NFIB: variants seen among roughly 807,000 people sequenced by gnomAD.
NFIB encodes nuclear factor I B.
A neutral mutation model predicts 61.5 loss-of-function variants in NFIB; 11 were observed. The observed-to-expected ratio is 0.18, with a 90% CI of 0.11 to 0.30. NFIB has a LOEUF of 0.30. NFIB is among the 10% of genes least tolerant of loss of function. The pLI, the probability that NFIB is intolerant of heterozygous loss-of-function variation, is 1.00. For missense variants in NFIB, 471 were observed against 608.9 expected (o/e 0.77, Z 2.38); for synonymous variants, 260 against 216.5 (o/e 1.20, Z -1.76).
At chr9:14,449,207 C>T in the NFIB span, among the ~76,000 whole-genome samples, 1 of 152,190 alleles carries the variant, frequency 6.6e-6, no homozygotes, top group East Asian at 1.9e-4. Flanking sequence ...AGAAGTCAGT[C>T]GTTAGTGTCA....
At chr9:14,512,064 G>A in the NFIB span, among the ~76,000 whole-genome samples, 144 of 152,224 alleles carry the variant, frequency 9.5e-4, no homozygotes, top group Non-Finnish European at 1.5e-3. Context: ...TTACTTGTCT[G>A]GTTTATTACT....
intron 2 of NFIB, among the ~76,000 whole-genome samples, chr9:14,211,184 C>A (rs944512694): frequency 6.6e-6 from 1 of 152,280 alleles, no homozygotes; most frequent in Non-Finnish European, 1.5e-5. Context: ...TAATCCTCTA[C>A]AATATTGTAT....
intron 2 of NFIB, among the ~76,000 whole-genome samples, chr9:14,223,753 C>T (rs62532554): frequency 0.087 from 13,224 of 152,210 alleles, 617 homozygotes; most frequent in Middle Eastern, 0.12. Flanking sequence ...TCAGCTCTAG[C>T]TCAATTCCTC....
chr9:14,441,243 C>T, the NFIB span, among the ~76,000 whole-genome samples: 1 of 150,892 alleles, frequency 6.6e-6, no homozygotes, highest in Admixed American at 6.6e-5. Context: ...ATAGCTACGA[C>T]ATTTAATAAC....
At chr9:14,198,226 C>T (rs1013533045) in intron 2 of NFIB, among the ~76,000 whole-genome samples, 1 of 152,130 alleles carries the variant, frequency 6.6e-6, no homozygotes, top group African/African-American at 2.4e-5. Context: ...TCACACTGCA[C>T]GTCTCCAAGG....
intron 10 of NFIB, among the ~76,000 whole-genome samples, chr9:14,108,072 G>C (rs2036824405): frequency 6.6e-6 from 1 of 152,058 alleles, no homozygotes; most frequent in South Asian, 2.1e-4. Context: ...CATTTGCATA[G>C]CCATTATTTC....
chr9:14,199,670 T>C (rs1458985243), intron 2 of NFIB, among the ~76,000 whole-genome samples: 5 of 152,242 alleles, frequency 3.3e-5, no homozygotes, highest in South Asian at 4.1e-4. Flanking sequence ...CTTTTGGTTT[T>C]AGCTAATAAG....
chr9:14,291,293 T>C (rs2059080046), intron 2 of NFIB, among the ~76,000 whole-genome samples: 1 of 152,064 alleles, frequency 6.6e-6, no homozygotes, highest in South Asian at 2.1e-4. Context: ...ACAACCAGCC[T>C]GGCCAACACG....
At chr9:14,111,564 T>C (rs1225415674) in intron 10 of NFIB, among the ~76,000 whole-genome samples, 3 of 152,298 alleles carry the variant, frequency 2.0e-5, no homozygotes, top group South Asian at 2.1e-4. Flanking sequence ...TCTAAACTTA[T>C]ACATCCTGCA....
chr9:14,142,148 C>T (rs1159270396), intron 6 of NFIB, among the ~76,000 whole-genome samples: 1 of 152,092 alleles, frequency 6.6e-6, no homozygotes, highest in Non-Finnish European at 1.5e-5. Flanking sequence ...TTAGCTGTGT[C>T]CCCACCCAAA....
chr9:14,501,320 T>C, the NFIB span, among the ~76,000 whole-genome samples: 1 of 152,214 alleles, frequency 6.6e-6, no homozygotes, highest in South Asian at 2.1e-4. Flanking sequence ...GCTCATAAAA[T>C]AGACACAGAG....
intron 10 of NFIB, among the ~76,000 whole-genome samples, chr9:14,106,842 G>A (rs2036627487): frequency 6.6e-6 from 1 of 152,052 alleles, no homozygotes; most frequent in African/African-American, 2.4e-5. Context: ...TAAGCAAAAT[G>A]TTCTATTTTG....
chr9:14,454,318 G>A, the NFIB span, among the ~76,000 whole-genome samples: 1 of 152,196 alleles, frequency 6.6e-6, no homozygotes, highest in Non-Finnish European at 1.5e-5. Context: ...AGATTATGTT[G>A]CTATTTAGCT....
intron 1 of NFIB, among the ~76,000 whole-genome samples, chr9:14,387,441 G>C (rs2061561975): frequency 6.6e-6 from 1 of 152,096 alleles, no homozygotes; most frequent in Non-Finnish European, 1.5e-5. Flanking sequence ...CCAGGTATTG[G>C]AGTAAAATAT....
At chr9:14,263,853 G>T (rs752930462) in intron 2 of NFIB, among the ~76,000 whole-genome samples, 10 of 152,152 alleles carry the variant, frequency 6.6e-5, no homozygotes, top group Non-Finnish European at 1.3e-4. Context: ...CTCTGCATCT[G>T]GCAGTTACTT....
intron 1 of NFIB, among the ~76,000 whole-genome samples, chr9:14,366,278 A>C (rs986266037): frequency 6.6e-6 from 1 of 151,896 alleles, no homozygotes; most frequent in Non-Finnish European, 1.5e-5. Flanking sequence ...CTTTCTTTTA[A>C]CCTCGCGTCT....
chr9:14,155,732 T>C (rs574447267), intron 4 of NFIB, 93 bp downstream of exon 4: 4 of 612,384 alleles, frequency 6.5e-6, no homozygotes, highest in Non-Finnish European at 1.1e-5. Flanking sequence ...TTTCCTAATA[T>C]GTGGTCACTC....
chr9:14,090,667 C>A (rs1016803148), intron 10 of NFIB, among the ~76,000 whole-genome samples: 1 of 151,952 alleles, frequency 6.6e-6, no homozygotes. Context: ...GTACCAAAAG[C>A]AAAAGGACTA....
intron 3 of NFIB, among the ~76,000 whole-genome samples, chr9:14,174,126 C>T (rs1285110359): frequency 6.6e-6 from 1 of 151,914 alleles, no homozygotes; most frequent in East Asian, 1.9e-4. Flanking sequence ...GTGACGTCTC[C>T]AAACAAGTTA....
Sources: allele counts gnomAD v4.1 joint callset (sites outside exome capture counted in the v4.1 genomes callset), GRCh38; gene constraint gnomAD v4.1.1; transcripts MANE v1.5; gene names NCBI Gene and HGNC (gene_info 2026-07-23, HGNC 2026-07-21).